NEGR1: variants seen among roughly 807,000 people sequenced by gnomAD.
The protein encoded by NEGR1 is neuronal growth regulator 1.
In NEGR1, 10 loss-of-function variants were observed where a neutral mutation model predicts 40.9. That is an observed-to-expected ratio of 0.24 (90% CI 0.15 to 0.42). NEGR1 has a LOEUF of 0.42. Ranked by LOEUF, NEGR1 falls within the 10% of genes least tolerant of loss-of-function variation. NEGR1 has a pLI of 1.00. For synonymous variants in NEGR1, 185 were observed against 166.8 expected (o/e 1.11, Z -0.84); for missense variants, 352 against 438.9 (o/e 0.80, Z 1.77).
chr1:71,705,012 T>C (rs1392771804), intron 3 of NEGR1, among the ~76,000 whole-genome samples: 2 of 152,158 alleles, frequency 1.3e-5, no homozygotes, highest in Non-Finnish European at 2.9e-5. Flanking sequence ...TAACAATATA[T>C]GGGTATATTA....
At chr1:71,619,145 C>T (rs1324830468) in intron 4 of NEGR1, among the ~76,000 whole-genome samples, 1 of 152,070 alleles carries the variant, frequency 6.6e-6, no homozygotes, top group East Asian at 1.9e-4. Context: ...GTTAAATCTC[C>T]AACTGGAGCT....
intron 3 of NEGR1, among the ~76,000 whole-genome samples, chr1:71,732,395 T>C (rs1485354451): frequency 6.6e-6 from 1 of 152,002 alleles, no homozygotes; most frequent in Non-Finnish European, 1.5e-5. Flanking sequence ...ATATCTTGAT[T>C]TTCTATCATG....
At chr1:71,560,796 A>G (rs1648431741) in intron 6 of NEGR1, among the ~76,000 whole-genome samples, 1 of 151,424 alleles carries the variant, frequency 6.6e-6, no homozygotes, top group African/African-American at 2.4e-5. Context: ...GATAAGCTTC[A>G]TATCCATTGT....
chr1:71,715,704 T>C lies in NEGR1; in HGVS notation c.536-17565A>G, dbSNP rs148365003. Reference sequence around the variant, plus strand: ...TCTCTCAGCTAAAGCATAGCAAGAGTTGCCTTTATTACAATTCCCAACAGG... The same window carrying C: ...TCTCTCAGCTAAAGCATAGCAAGAGCTGCCTTTATTACAATTCCCAACAGG... On this transcript the variant is annotated intron_variant, in intron 3 of 6. Transcript: ENST00000357731. Among the ~76,000 whole-genome samples the C allele has an allele frequency of 3.8e-3, 573 of 152,078 alleles. 3 individuals are homozygous for C. The highest frequency in any genetic ancestry group is 0.012 in the African/African-American group (512 of 41,470).
intron 1 of NEGR1, among the ~76,000 whole-genome samples, chr1:72,086,298 T>C (rs1648219752): frequency 1.3e-5 from 2 of 152,200 alleles, no homozygotes. Flanking sequence ...ACAGACTGTA[T>C]GACACCAGCC....
chr1:71,543,141 G>T (rs1449022475), intron 6 of NEGR1, among the ~76,000 whole-genome samples: 1 of 151,630 alleles, frequency 6.6e-6, no homozygotes, highest in Non-Finnish European at 1.5e-5. Context: ...CTTGGCAAAT[G>T]GTAGGTACTC....
At position 72,282,538 on chromosome 1, in the gene NEGR1, TC is replaced by T; in HGVS notation, c.-45del. The T allele has an allele frequency of 7.9e-7, 1 of 1,258,610 alleles. No individual in the cohort carries two copies. Among genetic ancestry groups the T allele is most frequent in the South Asian group, 1.4e-5 (1 of 71,058 alleles). 78.0% of individuals were successfully genotyped at this position (1,258,610 alleles called of 1,614,324 possible). A position where few individuals can be genotyped will look rare whatever the true frequency, so the allele number is the denominator to read the frequency against. On this transcript the variant is annotated 5_prime_UTR_variant, in exon 1 of 7. Coordinates refer to ENST00000357731, the MANE Select transcript of NEGR1 (RefSeq NM_173808.3). The stretch of plus-strand genomic sequence containing the variant: ...CTCTCCAGCAGCTTTCAGCTCGCAC[TC>T]CCCCACCCCCTGGTGCTGGCGAGTC...
intron 4 of NEGR1, among the ~76,000 whole-genome samples, chr1:71,655,971 G>A (rs1447563369): frequency 6.6e-6 from 1 of 152,092 alleles, no homozygotes; most frequent in Non-Finnish European, 1.5e-5. Context: ...TTTTTAAAGT[G>A]GCTAATCTAT....
chr1:71,425,220 T>G (rs1225201326), intron 6 of NEGR1, among the ~76,000 whole-genome samples: 2 of 152,156 alleles, frequency 1.3e-5, no homozygotes, highest in African/African-American at 4.8e-5. Flanking sequence ...TGAGAAGTTC[T>G]TCCTGGAGCA....
chr1:71,718,286 G>A (rs983774788), intron 3 of NEGR1, among the ~76,000 whole-genome samples: 4 of 152,178 alleles, frequency 2.6e-5, no homozygotes, highest in African/African-American at 9.6e-5. Context: ...CCTGAGAGCT[G>A]CTCATTTAAA....
chr1:72,133,854 T>C (rs1650347865), intron 1 of NEGR1, among the ~76,000 whole-genome samples: 1 of 151,844 alleles, frequency 6.6e-6, no homozygotes, highest in South Asian at 2.1e-4. Context: ...TTCATATGAA[T>C]ATTTTAATAA....
intron 6 of NEGR1, among the ~76,000 whole-genome samples, chr1:71,426,558 T>C: frequency 6.6e-6 from 1 of 152,274 alleles, no homozygotes; most frequent in East Asian, 1.9e-4. Flanking sequence ...AAAACAGTCT[T>C]CCCAAATGTA....
intron 6 of NEGR1, among the ~76,000 whole-genome samples, chr1:71,412,090 A>G (rs1557517345): frequency 6.6e-6 from 1 of 152,108 alleles, no homozygotes. Flanking sequence ...CTGGGATTCA[A>G]GTATTCCCCA....
chr1:72,251,569 C>T (rs923367255), intron 1 of NEGR1, among the ~76,000 whole-genome samples: 3 of 152,258 alleles, frequency 2.0e-5, no homozygotes, highest in African/African-American at 4.8e-5. Flanking sequence ...CTCATCCTTC[C>T]ATGTACTTCA....
intron 1 of NEGR1, among the ~76,000 whole-genome samples, chr1:72,031,060 A>G (rs1186937866): frequency 6.6e-6 from 1 of 152,182 alleles, no homozygotes; most frequent in Non-Finnish European, 1.5e-5. Context: ...TTTCACATTA[A>G]CTAACAGGAC....
chr1:71,996,743 A>G (rs2100370618), intron 1 of NEGR1, among the ~76,000 whole-genome samples: 1 of 152,210 alleles, frequency 6.6e-6, no homozygotes, highest in African/African-American at 2.4e-5. Flanking sequence ...CAGAAGACAT[A>G]ACCATAAATA....
At chr1:71,952,944 A>T (rs528204410) in intron 1 of NEGR1, among the ~76,000 whole-genome samples, 18 of 147,532 alleles carry the variant, frequency 1.2e-4, no homozygotes, top group African/African-American at 4.6e-4. Flanking sequence ...CATAGTTAAG[A>T]CCTACTGCTC....
At chr1:71,839,731 G>A (rs1659171393) in intron 2 of NEGR1, among the ~76,000 whole-genome samples, 2 of 152,028 alleles carry the variant, frequency 1.3e-5, no homozygotes, top group Admixed American at 1.3e-4. Flanking sequence ...ATTTTAACCA[G>A]GACATTTAAA....
At chr1:71,750,100 T>G (rs1655520031) in intron 3 of NEGR1, among the ~76,000 whole-genome samples, 1 of 151,318 alleles carries the variant, frequency 6.6e-6, no homozygotes, top group African/African-American at 2.4e-5. Flanking sequence ...TTCACGCCAT[T>G]CTCCTGCCTC....
Sources: gnomAD v4.1 joint callset for allele counts (sites outside exome capture counted in the v4.1 genomes callset) on GRCh38, gnomAD v4.1.1 for gene constraint, MANE v1.5 for transcripts, NCBI Gene and HGNC (gene_info 2026-07-23, HGNC 2026-07-21) for gene names.